NEURL1B: variants seen among roughly 807,000 people sequenced by gnomAD.
The protein encoded by NEURL1B is neuralized E3 ubiquitin protein ligase 1B.
In NEURL1B, 13 loss-of-function variants were observed where a neutral mutation model predicts 37.4. That is an observed-to-expected ratio of 0.35 (90% confidence interval 0.23 to 0.55). NEURL1B has a LOEUF of 0.55. Ranked by LOEUF, NEURL1B falls within the 20% of genes least tolerant of loss-of-function variation. The pLI is 0.89. For synonymous variants in NEURL1B, 432 were observed against 426.6 expected, an observed-to-expected ratio of 1.01 and a Z score of -0.16; for missense variants, 790 against 879.2, an observed-to-expected ratio of 0.90 and a Z score of 1.28.
intron 1 of NEURL1B, among the ~76,000 whole-genome samples, chr5:172,668,550 C>T (rs138878791): frequency 1.1e-4 from 16 of 152,208 alleles, no homozygotes; most frequent in Admixed American, 1.3e-4. Context: ...ATTCATCAAA[C>T]CCCCCCACTT....
intron 1 of NEURL1B, among the ~76,000 whole-genome samples, chr5:172,642,033 C>T (rs1262682108): frequency 6.6e-6 from 1 of 152,220 alleles, no homozygotes; most frequent in Admixed American, 6.5e-5. Context: ...CGCATCGCCC[C>T]CTAGTTAAAA....
rs528585995 is a variant in NEURL1B, at chr5:172,680,119, G to A, written c.578-3300G>A. ...TGGGCCCACAGTGAGTGCTCTATAC[G>A]TTTTTATGATCATAATTAATGTTTT... On this transcript the variant is annotated intron_variant, in intron 2 of 4. Coordinates refer to ENST00000369800, the MANE Select transcript of NEURL1B (RefSeq NM_001142651.3). Among the ~76,000 whole-genome samples, 8 of 152,254 alleles carry A rather than the reference G, an allele frequency of 5.3e-5. No homozygotes were observed. In the East Asian group the frequency reaches 1.2e-3, roughly 22 times the overall value.
Position 172,661,085 on chromosome 5 carries a change from C to T in NEURL1B, c.32-8700C>T, listed in dbSNP as rs577365997. Among the ~76,000 whole-genome samples the T allele has an allele frequency of 1.3e-5, 2 of 152,298 alleles. No homozygotes were observed. Among genetic ancestry groups the T allele is most frequent in the Admixed American group, 1.3e-4 (2 of 15,296 alleles). On this transcript the variant is annotated intron_variant, in intron 1 of 4. Coordinates refer to ENST00000369800, the MANE Select transcript of NEURL1B (RefSeq NM_001142651.3). This position sits in a 1 kb window ranked among gnomAD's most constrained non-coding sequence, Gnocchi z 4.0. ...TCCTCTCTCTAGAGCACAGCCTGCC[C>T]CCCTCACCCCAACACACATGAGCAC...
intron 2 of NEURL1B, among the ~76,000 whole-genome samples, chr5:172,670,752 CCTT>C (rs1449994101): frequency 2.0e-5 from 3 of 152,238 alleles, no homozygotes; most frequent in African/African-American, 7.2e-5. Context: ...TTTGCTCACT[CCTT>C]CACCCATTCA....
chr5:172,642,518 T>C (rs1264819424), intron 1 of NEURL1B, among the ~76,000 whole-genome samples: 1 of 152,136 alleles, frequency 6.6e-6, no homozygotes, highest in Non-Finnish European at 1.5e-5. Context: ...TAGTGTGAGG[T>C]TCTGGAAGAG....
rs962495085 is a variant in NEURL1B, at chr5:172,665,028, C to T, written c.32-4757C>T. On this transcript the variant is annotated intron_variant, in intron 1 of 4. Transcript: ENST00000369800. The surrounding 1 kb of genome is among the most constrained non-coding windows in gnomAD (Gnocchi z 4.1). ...CAGTATTCATTTAAATTGCAGGCCG[C>T]TCTTAAAGAACATCTCTTGGGATTC... is the stretch of plus-strand genomic sequence containing the variant. Among the ~76,000 whole-genome samples the T allele has an allele frequency of 7.2e-5, 11 of 152,178 alleles. No individual in the cohort carries two copies. The highest frequency in any genetic ancestry group is 1.2e-4 in the Non-Finnish European group (8 of 68,036).
rs753202681 is a variant in NEURL1B, at chr5:172,683,913, G to C, written c.1072G>C (p.Asp358His). ...GCTACGGCCCAACGAGCTGCCCGCC[G>C]ACCCAGACGCGCTGCTCGACCGCAA... Reference protein sequence around the residue: ...GVLRPNELPADPDALLDRKEY... With the variant: ...GVLRPNELPAHPDALLDRKEY... The change falls in exon 3 of 5, where the codon GAC becomes CAC. Residue 358 changes from aspartate (D) to histidine (H), a missense_variant. Asp to His is a moderately conservative substitution (Grantham distance 81). This residue lies in a region of NEURL1B where 460 missense variants were observed against 407.4 expected (regional missense o/e 1.13). Transcript: ENST00000369800. This position sits in a 1 kb window ranked among gnomAD's most constrained non-coding sequence, Gnocchi z 5.6. 85 of 1,410,934 alleles carry C rather than the reference G, an allele frequency of 6.0e-5. No individual in the cohort carries two copies. The African/African-American group carries it at 9.8e-4, about 16-fold the overall frequency. 87.4% of individuals were successfully genotyped at this position (1,410,934 alleles called of 1,614,324 possible).
In NEURL1B at chr5:172,684,120, G is replaced by A. The variant is rs1270336360; in HGVS notation, c.1279G>A (p.Gly427Ser). Residue 427 changes from glycine to serine, a missense_variant, in exon 3 of 5, where the codon GGC becomes AGC. By Grantham distance (56) the Gly-to-Ser change is moderately conservative. This residue lies in a region of NEURL1B where 460 missense variants were observed against 407.4 expected (regional missense o/e 1.13). Transcript: ENST00000369800. The part of the protein sequence containing the change: ...AFFAVRGGVA[G>S]QLRLLGTLQS... ...CTTCGCCGTGCGCGGCGGCGTCGCG[G>A]GCCAGCTGCGTCTCCTCGGTGAGTC... The A allele has an allele frequency of 8.0e-7, 1 of 1,254,992 alleles. No homozygotes were observed. The highest frequency in any genetic ancestry group is 3.3e-5 in the East Asian group (1 of 30,030). 77.7% of individuals were successfully genotyped at this position (1,254,992 alleles called of 1,614,324 possible).
chr5:172,643,328 A>G (rs778670005), intron 1 of NEURL1B, among the ~76,000 whole-genome samples: 2 of 152,208 alleles, frequency 1.3e-5, no homozygotes, highest in Non-Finnish European at 1.5e-5. Context: ...ACCTACCAGT[A>G]TGAGTTTCTT....
Position 172,683,931 on chromosome 5 carries a change from G to C in NEURL1B, c.1090G>C (p.Asp364His), listed in dbSNP as rs1429888653. The C allele has an allele frequency of 5.0e-6, 7 of 1,404,898 alleles. No individual in the cohort carries two copies. Among genetic ancestry groups the C allele is most frequent in the Non-Finnish European group, 6.5e-6 (7 of 1,074,018 alleles). The allele number at this position is 1,404,898 out of a possible 1,614,324, so 87.0% of individuals were successfully genotyped here. ...GCCCGCCGACCCAGACGCGCTGCTC[G>C]ACCGCAAAGAGTACTGGGTGGTGGC... Reference protein sequence around the residue: ...ELPADPDALLDRKEYWVVARA... With the variant: ...ELPADPDALLHRKEYWVVARA... The change falls in exon 3 of 5, where the codon GAC becomes CAC. Residue 364 changes from aspartate to histidine, a missense_variant. By Grantham distance (81) the Asp-to-His change is moderately conservative (BLOSUM62 -1). Transcript: ENST00000369800. This position sits in a 1 kb window ranked among gnomAD's most constrained non-coding sequence, Gnocchi z 5.6.
intron 2 of NEURL1B, among the ~76,000 whole-genome samples, chr5:172,670,881 G>C (rs1369814127): frequency 6.6e-6 from 1 of 152,188 alleles, no homozygotes; most frequent in African/African-American, 2.4e-5. Context: ...GAGGAGTTAG[G>C]TGTGGCGAAC....
chr5:172,669,606 G>C (rs1758079267), intron 1 of NEURL1B, among the ~76,000 whole-genome samples, 179 bp from the exon 2 acceptor site: 1 of 152,208 alleles, frequency 6.6e-6, no homozygotes, highest in African/African-American at 2.4e-5. Context: ...CTGTGGCAAA[G>C]AGATTAGGGC....
chr5:172,670,231 G>T lies in NEURL1B; in HGVS notation c.478G>T (p.Asp160Tyr), dbSNP rs1278822552. The T allele has an allele frequency of 1.4e-6, 2 of 1,415,688 alleles. No homozygotes were observed. Among genetic ancestry groups the T allele is most frequent in the Non-Finnish European group, 1.8e-6 (2 of 1,088,604 alleles). 87.7% of individuals were successfully genotyped at this position (1,415,688 alleles called of 1,614,324 possible). ...CGGCCGCGTGTTCTACAGCGTGAACGACGGCGAGCCGGTGCTCTTCCACTG... is the reference window on the plus strand; with the variant it reads ...CGGCCGCGTGTTCTACAGCGTGAACTACGGCGAGCCGGTGCTCTTCCACTG... ...RHGRVFYSVN[D>Y]GEPVLFHCGV... Residue 160 changes from aspartate (D) to tyrosine (Y), a missense_variant, in exon 2 of 5, where the codon GAC becomes TAC. Around this residue, in one of 3 missense-constraint regions of NEURL1B, gnomAD observed 215 missense variants for 309.2 expected, o/e 0.70. Coordinates refer to ENST00000369800, the MANE Select transcript of NEURL1B (RefSeq NM_001142651.3).
intron 1 of NEURL1B, among the ~76,000 whole-genome samples, chr5:172,667,273 A>G (rs1758032722): frequency 7.6e-6 from 1 of 130,916 alleles, no homozygotes; most frequent in Non-Finnish European, 1.6e-5. Context: ...CCCTGTCTCT[A>G]CTAAAAAAAA....
chr5:172,680,915 A>G (rs1758340056), intron 2 of NEURL1B, among the ~76,000 whole-genome samples: 1 of 152,244 alleles, frequency 6.6e-6, no homozygotes, highest in South Asian at 2.1e-4. Context: ...ATAAAGAACC[A>G]CCTGAGACTG....
At chr5:172,650,593 T>C (rs1412915564) in intron 1 of NEURL1B, among the ~76,000 whole-genome samples, 1 of 152,232 alleles carries the variant, frequency 6.6e-6, no homozygotes, top group Non-Finnish European at 1.5e-5. Flanking sequence ...TGGGCAAGTC[T>C]GTTCCTCCCT....
rs1041321553 is a variant in NEURL1B at position 172,641,424 on chromosome 5, C to G, written c.18C>G (p.His6Gln). ...ACGCAGCGATGGGCAACACGGTGCA[C>G]CGGACCCTGCCAGGTACGCCGGGGA... MGNTV[H>Q]RTLPDPSPPA... Residue 6 changes from histidine (H) to glutamine (Q), a missense_variant, in exon 1 of 5, where the codon CAC becomes CAG. His to Gln is a conservative substitution (Grantham distance 24, BLOSUM62 0). Transcript: ENST00000369800. This position sits in a 1 kb window ranked among gnomAD's most constrained non-coding sequence, Gnocchi z 6.4. 9.7e-6 allele frequency: 13 copies of G among 1,338,124 alleles called. No homozygotes were observed. The Admixed American group carries it at 4.3e-4, about 44-fold the overall frequency. 82.9% of individuals were successfully genotyped at this position (1,338,124 alleles called of 1,614,324 possible).
intron 1 of NEURL1B, among the ~76,000 whole-genome samples, chr5:172,660,317 C>T (rs900736480): frequency 9.9e-5 from 15 of 152,204 alleles, no homozygotes; most frequent in Non-Finnish European, 2.1e-4. Flanking sequence ...TGACCTCACC[C>T]CCTGGGAACT....
chr5:172,652,288 C>G (rs1222211985), intron 1 of NEURL1B, among the ~76,000 whole-genome samples: 2 of 152,214 alleles, frequency 1.3e-5, no homozygotes, highest in African/African-American at 4.8e-5. Flanking sequence ...CCATGCAGGC[C>G]ACACCTGGTC....
Sources: allele counts gnomAD v4.1 joint callset (sites outside exome capture counted in the v4.1 genomes callset), GRCh38; gene constraint gnomAD v4.1.1; regional missense constraint gnomAD v4.1.1; non-coding constraint Gnocchi (gnomAD v3.1); transcripts MANE v1.5; gene names NCBI Gene and HGNC (gene_info 2026-07-23, HGNC 2026-07-21).